PIK3C2G: variants seen among roughly 807,000 people sequenced by gnomAD.
The protein encoded by PIK3C2G is phosphatidylinositol 3-kinase C2 domain-containing subunit gamma.
Under a neutral mutation model 181.1 loss-of-function variants are expected in PIK3C2G, and 168 were observed. That is an observed-to-expected ratio of 0.93 (90% CI 0.82 to 1.05). The LOEUF (loss-of-function observed/expected upper bound fraction) is 1.05, where lower values mean the gene tolerates loss of function less well. Ranked by LOEUF, PIK3C2G falls within the 50% of genes least tolerant of loss-of-function variation. PIK3C2G has a pLI of 0.00. For missense variants in PIK3C2G, 1,869 were observed against 1,732.8 expected, an observed-to-expected ratio of 1.08 and a Z score of -1.40; for synonymous variants, 573 against 592.2, an observed-to-expected ratio of 0.97 and a Z score of 0.47.
rs899566068 is a variant in PIK3C2G at position 18,383,514 on chromosome 12, C to T, written c.1995+1634C>T. 5.3e-5 allele frequency among the ~76,000 whole-genome samples: 8 copies of T among 152,228 alleles called. No individual in the cohort carries two copies. In the East Asian group the frequency reaches 5.8e-4, roughly 11 times the overall value. The stretch of plus-strand genomic sequence containing the variant: ...TCTAGAATGAGTAAATTCTCACTAA[C>T]GAGTTTAAGTGGGAAGGATTATCCA... On this transcript the variant is annotated intron_variant, in intron 14 of 32. Transcript: ENST00000538779.
rs569925771 is a variant in PIK3C2G, at chr12:18,420,921, A to T, written c.2316-20A>T. The T allele has an allele frequency of 8.4e-4, 1,083 of 1,291,244 alleles. 11 individuals are homozygous for T. The South Asian group carries it at 0.012, about 14-fold the overall frequency. The allele number at this position is 1,291,244 out of a possible 1,614,324, so 80.0% of individuals were successfully genotyped here. ...TTCCTTACCATTAACAGCTTAGTGG[A>T]TATATTTACTGTGTATTAGTTTTCC... On this transcript the variant is annotated intron_variant, in intron 16 of 32. Transcript: ENST00000538779.
intron 6 of PIK3C2G, 29 bp downstream of exon 6, chr12:18,314,093 T>C: frequency 8.6e-7 from 1 of 1,159,940 alleles, no homozygotes; most frequent in Non-Finnish European, 1.3e-6. Flanking sequence ...TGGTTTCAAT[T>C]GGCAAACTGA....
At chr12:18,615,330 G>GGT (rs3055216) in intron 31 of PIK3C2G, among the ~76,000 whole-genome samples, 10,315 of 138,130 alleles carry the variant, frequency 0.075, 415 homozygotes, top group African/African-American at 0.099. Context: ...AGTATTCCAC[G>GGT]GTGTGTGTGT....
chr12:18,677,498 G>A, the PIK3C2G span, among the ~76,000 whole-genome samples: 1 of 152,178 alleles, frequency 6.6e-6, no homozygotes, highest in South Asian at 2.1e-4. Context: ...TTCCAGTTCA[G>A]GAGGTCTAGG....
At chr12:18,528,755 T>G (rs1943381776) in intron 24 of PIK3C2G, among the ~76,000 whole-genome samples, 1 of 152,184 alleles carries the variant, frequency 6.6e-6, no homozygotes, top group Admixed American at 6.6e-5. Context: ...CATGTAGCTC[T>G]TCTCAAATTG....
intron 31 of PIK3C2G, among the ~76,000 whole-genome samples, chr12:18,630,475 A>G (rs1338142265): frequency 6.6e-6 from 1 of 152,178 alleles, no homozygotes; most frequent in African/African-American, 2.4e-5. Context: ...TTAAATTTTA[A>G]TTGAAGATTT....
intron 26 of PIK3C2G, among the ~76,000 whole-genome samples, chr12:18,561,981 A>AGGAAAGGGAAAGAATAGGGT (rs542092188): frequency 1.8e-3 from 277 of 152,302 alleles, no homozygotes; most frequent in Non-Finnish European, 2.9e-3. Context: ...TTTACATATA[A>AGGAAAGGGAAAGAATAGGGT]GGAAAGGGAA....
chr12:18,521,123 T>C (rs1214173525), intron 24 of PIK3C2G, among the ~76,000 whole-genome samples: 3 of 152,148 alleles, frequency 2.0e-5, no homozygotes, highest in African/African-American at 7.2e-5. Context: ...TGCCTGTGCC[T>C]TCTCCTGGGA....
chr12:18,602,693 A>C (rs1261186600), intron 30 of PIK3C2G, among the ~76,000 whole-genome samples: 2 of 152,090 alleles, frequency 1.3e-5, no homozygotes, highest in Admixed American at 1.3e-4. Context: ...AGTTCACATC[A>C]CAGGACTCTG....
intron 26 of PIK3C2G, among the ~76,000 whole-genome samples, chr12:18,558,604 C>G (rs1341228329): frequency 1.3e-5 from 2 of 152,168 alleles, no homozygotes; most frequent in Non-Finnish European, 2.9e-5. Flanking sequence ...GCTCATTAAA[C>G]ACTCTAGTCA....
At chr12:18,702,101 T>A in the PIK3C2G span, among the ~76,000 whole-genome samples, 1 of 152,282 alleles carries the variant, frequency 6.6e-6, no homozygotes, top group Non-Finnish European at 1.5e-5. Context: ...TACCATGATA[T>A]TGCAATGAAA....
chr12:18,693,534 C>T, the PIK3C2G span: 2 of 1,611,764 alleles, frequency 1.2e-6, no homozygotes, highest in Non-Finnish European at 1.7e-6. Flanking sequence ...GTGGTTGGCT[C>T]TGAACTTATT....
intron 29 of PIK3C2G, among the ~76,000 whole-genome samples, chr12:18,589,289 CAG>C (rs781138235): frequency 6.6e-6 from 1 of 151,466 alleles, no homozygotes; most frequent in Non-Finnish European, 1.5e-5. Context: ...AAAAGAAAAA[CAG>C]TGTGATGGGA....
At chr12:18,303,233 C>T (rs982357671) in intron 5 of PIK3C2G, among the ~76,000 whole-genome samples, 1 of 147,696 alleles carries the variant, frequency 6.8e-6, no homozygotes, top group African/African-American at 2.5e-5. Flanking sequence ...TTCTTTCTCT[C>T]TTTCTCTCTC....
At chr12:18,719,784 G>T in the PIK3C2G span, 1 of 456,266 alleles carries the variant, frequency 2.2e-6, no homozygotes. Flanking sequence ...TATGTTGTTT[G>T]GAAACAAATT....
At chr12:18,571,690 T>C (rs1292098623) in intron 29 of PIK3C2G, among the ~76,000 whole-genome samples, 1 of 150,938 alleles carries the variant, frequency 6.6e-6, no homozygotes, top group Non-Finnish European at 1.5e-5. Flanking sequence ...GGCTAGTGTC[T>C]GCATGATACA....
chr12:18,352,275 T>TG (rs1940290701), intron 11 of PIK3C2G, among the ~76,000 whole-genome samples: 1 of 152,202 alleles, frequency 6.6e-6, no homozygotes, highest in African/African-American at 2.4e-5. Context: ...CAGAAGTGAG[T>TG]ATACTTCAGT....
chr12:18,520,408 G>T lies in PIK3C2G; in HGVS notation c.3323+14947G>T, dbSNP rs549735777. On this transcript the variant is annotated intron_variant, in intron 24 of 32. Transcript: ENST00000538779. ...TAGTCCCATATTTCTTGGAGGTTTT[G>T]TTCATTCCTTTTCATTCTTTTTCTC... 6.4e-3 allele frequency among the ~76,000 whole-genome samples: 967 copies of T among 151,964 alleles called. 15 individuals are homozygous for T. Among genetic ancestry groups the T allele is most frequent in the Non-Finnish European group, 9.1e-3 (620 of 67,956 alleles).
chr12:18,399,850 A>G lies in PIK3C2G; in HGVS notation c.2315+3A>G, dbSNP rs1346264324. ...GCTCTTGGGCTTTTGACTTCCAGGTAAGAATTGCATAACAAGCATGATATT... is the reference window on the plus strand; with the variant it reads ...GCTCTTGGGCTTTTGACTTCCAGGTGAGAATTGCATAACAAGCATGATATT... On this transcript the variant is annotated splice_donor_region_variant and intron_variant, in intron 16 of 32. Coordinates refer to ENST00000538779, the MANE Select transcript of PIK3C2G (RefSeq NM_001288772.2). The G allele has an allele frequency of 6.4e-7, 1 of 1,559,438 alleles. No homozygotes were observed.
Sources: allele counts gnomAD v4.1 joint callset (sites outside exome capture counted in the v4.1 genomes callset), GRCh38; gene constraint gnomAD v4.1.1; transcripts MANE v1.5; gene names NCBI Gene and HGNC (gene_info 2026-07-23, HGNC 2026-07-21).